KIAA1549: variants seen among roughly 807,000 people sequenced by gnomAD.
KIAA1549 encodes UPF0606 protein KIAA1549.
Under a neutral mutation model 156.4 loss-of-function variants are expected in KIAA1549, and 70 were observed. The observed-to-expected ratio is 0.45, with a 90% CI of 0.37 to 0.55. The LOEUF (loss-of-function observed/expected upper bound fraction) is 0.55. Ranked by LOEUF, KIAA1549 falls within the 20% of genes least tolerant of loss-of-function variation. The pLI is 0.00. For synonymous variants in KIAA1549, 1,103 were observed against 1,066.4 expected (o/e 1.03, Z -0.67); for missense variants, 2,428 against 2,540.9 (o/e 0.96, Z 0.96).
At chr7:138,926,024 G>A (rs148342483) in intron 1 of KIAA1549, among the ~76,000 whole-genome samples, 201 of 152,156 alleles carry the variant, frequency 1.3e-3, no homozygotes, top group Non-Finnish European at 2.7e-3. Context: ...CTCCTCTGAG[G>A]GCTGGCCTGG....
chr7:138,965,955 G>A (rs935334311), intron 1 of KIAA1549, among the ~76,000 whole-genome samples: 12 of 151,988 alleles, frequency 7.9e-5, no homozygotes, highest in Non-Finnish European at 1.5e-4. Flanking sequence ...TGCTTTAGGC[G>A]CACAGGCCTC....
intron 1 of KIAA1549, among the ~76,000 whole-genome samples, chr7:138,965,030 G>A (rs776705872): frequency 2.0e-5 from 3 of 150,204 alleles, no homozygotes; most frequent in South Asian, 2.1e-4. Context: ...GTGCGATCTC[G>A]GCTCACTGCA....
chr7:138,901,387 G>A (rs1811837775), intron 8 of KIAA1549, among the ~76,000 whole-genome samples: 1 of 147,900 alleles, frequency 6.8e-6, no homozygotes. Context: ...GTGCATTGGT[G>A]TGATCTTAGC....
chr7:138,901,919 C>T (rs183882004), intron 8 of KIAA1549, among the ~76,000 whole-genome samples: 16 of 152,126 alleles, frequency 1.1e-4, no homozygotes, highest in Admixed American at 2.0e-4. Flanking sequence ...CTTTTACAAA[C>T]CTGCATGCCT....
intron 17 of KIAA1549, among the ~76,000 whole-genome samples, chr7:138,850,366 C>T (rs898032682): frequency 1.5e-4 from 23 of 152,110 alleles, no homozygotes; most frequent in South Asian, 8.3e-4. Context: ...CTGTTATTTT[C>T]GACCTTTTAA....
At chr7:138,874,408 A>T (rs929020005) in intron 12 of KIAA1549, among the ~76,000 whole-genome samples, 1 of 152,240 alleles carries the variant, frequency 6.6e-6, no homozygotes, top group Non-Finnish European at 1.5e-5. Flanking sequence ...CACAAAAAAT[A>T]AGTATGTGAG....
At chr7:138,843,965 T>C (rs377523042) in intron 18 of KIAA1549, among the ~76,000 whole-genome samples, 12 of 152,248 alleles carry the variant, frequency 7.9e-5, no homozygotes, top group African/African-American at 2.4e-4. Flanking sequence ...AGTCGTTCGT[T>C]ACAAGCTGAA....
chr7:138,845,858 C>G (rs543243421), intron 17 of KIAA1549, among the ~76,000 whole-genome samples: 3 of 152,116 alleles, frequency 2.0e-5, no homozygotes, highest in Non-Finnish European at 4.4e-5. Context: ...AAGTGACAGG[C>G]TCACTTCATT....
intron 2 of KIAA1549, among the ~76,000 whole-genome samples, chr7:138,913,534 T>A (rs375657715): frequency 6.6e-6 from 1 of 152,246 alleles, no homozygotes; most frequent in African/African-American, 2.4e-5. Flanking sequence ...AGAATACACT[T>A]GATATTATCA....
chr7:138,869,770 G>A lies in KIAA1549; in HGVS notation c.4552-9C>T. ...CGCAGCGCGGTCTGAATCTGAGGAA[G>A]GGTGAGGGAGAGAAAGACAGCCATA... On this transcript the variant is annotated splice_polypyrimidine_tract_variant and intron_variant, in intron 13 of 19. Coordinates refer to ENST00000422774, the MANE Select transcript of KIAA1549 (RefSeq NM_001164665.2). 1 of 1,602,038 alleles carries A rather than the reference G, an allele frequency of 6.2e-7. No individual in the cohort carries two copies. The highest frequency in any genetic ancestry group is 8.5e-7 in the Non-Finnish European group (1 of 1,174,946).
intron 16 of KIAA1549, among the ~76,000 whole-genome samples, chr7:138,852,504 T>G (rs1278432350): frequency 6.6e-6 from 1 of 152,256 alleles, no homozygotes; most frequent in Non-Finnish European, 1.5e-5. Flanking sequence ...CTTTCCTTCT[T>G]TTGTATATTA....
rs1355533282 is a variant in KIAA1549, at chr7:138,981,378, G to A, written c.-109C>T. 5 of 310,368 alleles carry A rather than the reference G, an allele frequency of 1.6e-5. No individual in the cohort carries two copies. The highest frequency in any genetic ancestry group is 2.3e-5 in the Non-Finnish European group (5 of 216,014). The allele number at this position is 310,368 out of a possible 1,614,324, so 19.2% of individuals were successfully genotyped here. ...GGGGCGCCGCGCACCGGCGCGGAGG[G>A]AGGCCGGAGAGGCGGGGGCGGGCCG... On this transcript the variant is annotated 5_prime_UTR_variant, in exon 1 of 20. Coordinates refer to ENST00000422774, the MANE Select transcript of KIAA1549 (RefSeq NM_001164665.2). The surrounding 1 kb of genome is among the most constrained non-coding windows in gnomAD (Gnocchi z 4.5).
At chr7:138,932,888 A>G (rs922953802) in intron 1 of KIAA1549, among the ~76,000 whole-genome samples, 1 of 152,236 alleles carries the variant, frequency 6.6e-6, no homozygotes, top group African/African-American at 2.4e-5. Flanking sequence ...TCACATGGTG[A>G]TATCAAGTAT....
chr7:138,957,203 G>A (rs977524413), intron 1 of KIAA1549, among the ~76,000 whole-genome samples: 1 of 152,188 alleles, frequency 6.6e-6, no homozygotes, highest in Admixed American at 6.5e-5. Flanking sequence ...AACAGGAGAG[G>A]CAGGCAATGA....
At chr7:138,910,397 CTTTTT>C (rs200459041) in intron 4 of KIAA1549, among the ~76,000 whole-genome samples, 1 of 131,016 alleles carries the variant, frequency 7.6e-6, no homozygotes, top group Non-Finnish European at 1.6e-5. Flanking sequence ...TTCTTAAATT[CTTTTT>C]TTTTTTTTTT....
At chr7:138,954,526 G>C (rs1232583912) in intron 1 of KIAA1549, among the ~76,000 whole-genome samples, 5 of 152,140 alleles carry the variant, frequency 3.3e-5, no homozygotes, top group Non-Finnish European at 7.3e-5. Flanking sequence ...GATAGCCTGG[G>C]AGAACTCCTC....
chr7:138,881,283 T>G (rs774032857), intron 11 of KIAA1549, 105 bp downstream of exon 11: 3 of 1,143,154 alleles, frequency 2.6e-6, no homozygotes, highest in Non-Finnish European at 3.7e-6. Context: ...GGGCTGCACA[T>G]GCAGGGCTGC....
chr7:138,949,782 G>C (rs184033316), intron 1 of KIAA1549, among the ~76,000 whole-genome samples: 2 of 152,302 alleles, frequency 1.3e-5, no homozygotes, highest in Non-Finnish European at 2.9e-5. Context: ...CCCAGGACTG[G>C]CTATGACACG....
rs1201752539 is a variant in KIAA1549 at position 138,883,089 on chromosome 7, T to TAAAAAAAAAAAA, written c.4033-1517_4033-1506dup. Among the ~76,000 whole-genome samples, 10 of 47,074 alleles carry TAAAAAAAAAAAA rather than the reference T, an allele frequency of 2.1e-4. 5 individuals are homozygous for TAAAAAAAAAAAA. The highest frequency in any genetic ancestry group is 8.7e-4 in the African/African-American group (10 of 11,556). 30.9% of individuals were successfully genotyped at this position (47,074 alleles called of 152,430 possible). On this transcript the variant is annotated intron_variant, in intron 10 of 19. Transcript: ENST00000422774. Reference sequence around the variant, plus strand: ...CAACATGGTGAAACCCCATCTCCCCTAAAAAAAAAAAAAAAAAAAAAAAAA... The same window carrying TAAAAAAAAAAAA: ...CAACATGGTGAAACCCCATCTCCCCTAAAAAAAAAAAAAAAAAAAAAAAAAAAAAAAAAAAAA...
Sources: gnomAD v4.1 joint callset for allele counts (sites outside exome capture counted in the v4.1 genomes callset) on GRCh38, gnomAD v4.1.1 for gene constraint, Gnocchi (gnomAD v3.1) non-coding constraint, MANE v1.5 for transcripts, NCBI Gene and HGNC (gene_info 2026-07-23, HGNC 2026-07-21) for gene names.